NARS2: variants seen among roughly 807,000 people sequenced by gnomAD.
NARS2 encodes asparaginyl-tRNA synthetase 2, mitochondrial.
In NARS2, 60 loss-of-function variants were observed where a neutral mutation model predicts 62.9. That is an observed-to-expected ratio of 0.95 (90% CI 0.77 to 1.18). The LOEUF is 1.18. Among genes scored for constraint, NARS2 ranks in the 50% most tolerant of loss-of-function variants. The probability of loss-of-function intolerance (pLI) is 0.00; values close to 1 mark genes in which losing one functional copy is unlikely to be tolerated. For synonymous variants in NARS2, 196 were observed against 200.0 expected (o/e 0.98, Z 0.17); for missense variants, 619 against 576.4 (o/e 1.07, Z -0.76).
At chr11:78,493,848 A>G (rs1337213151) in intron 6 of NARS2, among the ~76,000 whole-genome samples, 2 of 152,224 alleles carry the variant, frequency 1.3e-5, no homozygotes, top group Non-Finnish European at 2.9e-5. Flanking sequence ...CACAGCAATC[A>G]AGAACAAAGT....
intron 6 of NARS2, among the ~76,000 whole-genome samples, chr11:78,525,742 A>G (rs1294631924): frequency 6.6e-6 from 1 of 152,146 alleles, no homozygotes; most frequent in Non-Finnish European, 1.5e-5. Flanking sequence ...TAGAGTAAGA[A>G]AAGGGAAAAA....
intron 13 of NARS2, among the ~76,000 whole-genome samples, chr11:78,440,650 A>G (rs1857548139): frequency 6.6e-6 from 1 of 151,452 alleles, no homozygotes; most frequent in African/African-American, 2.4e-5. Flanking sequence ...CTCCTGCCTC[A>G]GCCTCCCAAG....
At chr11:78,536,642 A>C (rs907125991) in intron 5 of NARS2, among the ~76,000 whole-genome samples, 1 of 152,220 alleles carries the variant, frequency 6.6e-6, no homozygotes, top group African/African-American at 2.4e-5. Context: ...GAAAGAGTAA[A>C]AATATTTTAA....
intron 11 of NARS2, among the ~76,000 whole-genome samples, chr11:78,456,129 T>A (rs1228968712): frequency 6.6e-6 from 1 of 152,202 alleles, no homozygotes; most frequent in East Asian, 1.9e-4. Context: ...CTTTTAATAA[T>A]GAAGATTCCT....
chr11:78,479,051 G>C (rs1223124248), intron 7 of NARS2, among the ~76,000 whole-genome samples: 1 of 152,082 alleles, frequency 6.6e-6, no homozygotes, highest in Admixed American at 6.5e-5. Flanking sequence ...AATTAAATGA[G>C]ATAAACCATG....
chr11:78,466,814 T>C (rs1440658044), intron 10 of NARS2, among the ~76,000 whole-genome samples: 2 of 152,178 alleles, frequency 1.3e-5, no homozygotes, highest in African/African-American at 2.4e-5. Context: ...AGTCAACTCA[T>C]GTATGAGATG....
intron 5 of NARS2, among the ~76,000 whole-genome samples, chr11:78,541,065 A>T (rs1241539289): frequency 6.6e-6 from 1 of 152,142 alleles, no homozygotes; most frequent in Non-Finnish European, 1.5e-5. Context: ...AGGCTCAGTC[A>T]TGAGAATTGC....
At chr11:78,532,635 T>C (rs1196252594) in intron 5 of NARS2, among the ~76,000 whole-genome samples, 1 of 152,194 alleles carries the variant, frequency 6.6e-6, no homozygotes, top group East Asian at 1.9e-4. Context: ...AGATTAACCT[T>C]CTTTCTTATT....
intron 6 of NARS2, 51 bp downstream of exon 6, chr11:78,528,791 C>G: frequency 2.4e-6 from 3 of 1,274,302 alleles, no homozygotes; most frequent in Non-Finnish European, 3.4e-6. Context: ...GGGAAGCACT[C>G]TCAACCAAAC....
intron 1 of NARS2, chr11:78,571,793 G>T: frequency 5.4e-6 from 1 of 184,098 alleles, no homozygotes. Context: ...ATAAATAACA[G>T]GGCACATATC....
intron 11 of NARS2, among the ~76,000 whole-genome samples, chr11:78,458,471 T>C (rs753323252): frequency 1.4e-4 from 21 of 147,056 alleles, no homozygotes; most frequent in Non-Finnish European, 2.4e-4. Context: ...TAAAATCACA[T>C]AGTTTATAAT....
intron 6 of NARS2, among the ~76,000 whole-genome samples, chr11:78,507,060 C>T (rs1860529365): frequency 6.6e-6 from 1 of 152,044 alleles, no homozygotes; most frequent in African/African-American, 2.4e-5. Context: ...AAGGATCCTC[C>T]AAATACTGGG....
intron 5 of NARS2, among the ~76,000 whole-genome samples, chr11:78,540,269 T>A (rs888800701): frequency 6.6e-6 from 1 of 152,198 alleles, no homozygotes; most frequent in Non-Finnish European, 1.5e-5. Flanking sequence ...TCTTTGAGGA[T>A]TTCCAAGAAA....
At chr11:78,547,936 T>C (rs1360489132) in intron 5 of NARS2, among the ~76,000 whole-genome samples, 1 of 152,100 alleles carries the variant, frequency 6.6e-6, no homozygotes, top group African/African-American at 2.4e-5. Flanking sequence ...CAGGCTATAG[T>C]AGGCCAGGCA....
In NARS2 at chr11:78,445,490, G is replaced by A. The variant is rs191046326; in HGVS notation, c.1165-1732C>T. 7.2e-5 allele frequency among the ~76,000 whole-genome samples: 11 copies of A among 152,196 alleles called. No individual in the cohort carries two copies. In the East Asian group the frequency reaches 1.5e-3, roughly 21 times the overall value. ...ACAAAAATTAGCCAAGTGCAGTGGC[G>A]CATGCCTGTAGTCCCAGCTGTTCTG... On this transcript the variant is annotated intron_variant, in intron 11 of 13. Coordinates refer to ENST00000281038, the MANE Select transcript of NARS2 (RefSeq NM_024678.6).
intron 5 of NARS2, among the ~76,000 whole-genome samples, chr11:78,539,477 G>A (rs1010504706): frequency 6.6e-6 from 1 of 152,114 alleles, no homozygotes; most frequent in African/African-American, 2.4e-5. Context: ...AAAATCAAGA[G>A]GTTTATTTAA....
chr11:78,566,731 T>G (rs1175820565), intron 3 of NARS2, among the ~76,000 whole-genome samples: 3 of 152,212 alleles, frequency 2.0e-5, no homozygotes, highest in Non-Finnish European at 4.4e-5. Context: ...AATCAATTGG[T>G]GCAATTCATT....
chr11:78,525,178 C>T (rs1339764263), intron 6 of NARS2, among the ~76,000 whole-genome samples: 3 of 152,074 alleles, frequency 2.0e-5, no homozygotes, highest in Non-Finnish European at 4.4e-5. Context: ...AGTTCTAGGG[C>T]AGCAAAAACT....
intron 6 of NARS2, among the ~76,000 whole-genome samples, chr11:78,525,277 A>G (rs1333255701): frequency 3.3e-5 from 5 of 152,258 alleles, no homozygotes; most frequent in African/African-American, 2.4e-5. Context: ...CGTAAAAGCT[A>G]TGGACTTTGG....
Sources: gnomAD v4.1 joint callset for allele counts (sites outside exome capture counted in the v4.1 genomes callset) on GRCh38, gnomAD v4.1.1 for gene constraint, MANE v1.5 for transcripts, NCBI Gene and HGNC (gene_info 2026-07-23, HGNC 2026-07-21) for gene names.